The following PCDHGA3 variants were observed in gnomAD, a reference collection of about 807,000 sequenced individuals.
PCDHGA3 encodes protocadherin gamma subfamily A, 3.
Under a neutral mutation model 58.5 loss-of-function variants are expected in PCDHGA3, and 40 were observed. The ratio of observed to expected loss-of-function variants is 0.68; its 90% CI spans 0.53 to 0.89. The LOEUF (loss-of-function observed/expected upper bound fraction) is 0.89. Ranked by LOEUF, PCDHGA3 falls within the 40% of genes least tolerant of loss-of-function variation. The pLI is 0.00. For missense variants in PCDHGA3, 1,223 were observed against 1,195.9 expected (o/e 1.02, Z -0.33); for synonymous variants, 530 against 525.7 (o/e 1.01, Z -0.11).
chr5:141,385,157 A>G (rs1338074749), intron 1 of PCDHGA3: 1 of 1,614,208 alleles, frequency 6.2e-7, no homozygotes, highest in East Asian at 2.2e-5. Flanking sequence ...CTGCAGACCT[A>G]TTCCCATGAG....
At chr5:141,466,709 T>C (rs2099127779) in intron 1 of PCDHGA3, among the ~76,000 whole-genome samples, 1 of 152,212 alleles carries the variant, frequency 6.6e-6, no homozygotes, top group Non-Finnish European at 1.5e-5. Flanking sequence ...TGATGTCTGT[T>C]CTTGTTTCCA....
chr5:141,412,902 T>G, intron 1 of PCDHGA3: 1 of 371,284 alleles, frequency 2.7e-6, no homozygotes, highest in East Asian at 4.2e-5. Flanking sequence ...TACTTTCCAT[T>G]GCATGTATCA....
intron 1 of PCDHGA3, chr5:141,433,196 C>A (rs750657930): frequency 4.4e-6 from 7 of 1,575,116 alleles, no homozygotes; most frequent in African/African-American, 1.4e-5. Context: ...GAGTTTATAT[C>A]AAATCTTCTT....
intron 1 of PCDHGA3, chr5:141,375,758 G>C (rs1473514742): frequency 1.2e-6 from 2 of 1,614,230 alleles, no homozygotes; most frequent in East Asian, 2.2e-5. Flanking sequence ...GAATGACAAT[G>C]CGCCCGAGAT....
At chr5:141,375,194 G>A (rs763161370) in intron 1 of PCDHGA3, 1 of 1,613,964 alleles carries the variant, frequency 6.2e-7, no homozygotes, top group South Asian at 1.1e-5. Flanking sequence ...CCTTTTTCAA[G>A]TGTTCGATCG....
Position 141,393,820 on chromosome 5 carries a change from CG to C in PCDHGA3, c.2424+47365del, listed in dbSNP as rs370400807. Reference sequence around the variant, plus strand: ...CTGGGGAGGACCAAATTGCTCATTTCGGTGGAAGATGTAAATGACAATAGAC... The same window carrying C: ...CTGGGGAGGACCAAATTGCTCATTTCGTGGAAGATGTAAATGACAATAGAC... On this transcript the variant is annotated intron_variant, in intron 1 of 3. Transcript: ENST00000253812. The C allele has an allele frequency of 9.3e-6, 15 of 1,613,800 alleles. No individual in the cohort carries two copies. In the African/African-American group the frequency reaches 9.3e-5, roughly 10 times the overall value.
At chr5:141,365,492 A>G in intron 1 of PCDHGA3, 1 of 1,613,970 alleles carries the variant, frequency 6.2e-7, no homozygotes, top group Non-Finnish European at 8.5e-7. Flanking sequence ...CTCTATTCCT[A>G]GGAATTTGCC....
intron 1 of PCDHGA3, among the ~76,000 whole-genome samples, chr5:141,457,440 A>C (rs188608086): frequency 1.3e-5 from 2 of 152,334 alleles, no homozygotes; most frequent in African/African-American, 4.8e-5. Flanking sequence ...ACCAAGCTGC[A>C]GAAGATCACC....
At chr5:141,364,574 G>C (rs184408500) in intron 1 of PCDHGA3, 12 of 1,614,166 alleles carry the variant, frequency 7.4e-6, no homozygotes, top group Non-Finnish European at 1.0e-5. Context: ...CCCGCGAAGC[G>C]GCAGCTTGGT....
At chr5:141,356,677 G>T (rs759254327) in intron 1 of PCDHGA3, 2 of 1,613,980 alleles carry the variant, frequency 1.2e-6, no homozygotes, top group Non-Finnish European at 1.7e-6. Context: ...CTCCCTGGCC[G>T]AAGACACCTT....
At chr5:141,362,777 T>C in intron 1 of PCDHGA3, 1 of 604,080 alleles carries the variant, frequency 1.7e-6, no homozygotes, top group Non-Finnish European at 2.8e-6. Flanking sequence ...TATTGCACTG[T>C]ATTTCTTTTT....
rs72790032 is a variant in PCDHGA3 at position 141,393,544 on chromosome 5, A to G, written c.2424+47087A>G. On this transcript the variant is annotated intron_variant, in intron 1 of 3. Coordinates refer to ENST00000253812, the MANE Select transcript of PCDHGA3 (RefSeq NM_018916.4). ...AATGACAATGCCCCGGTTTTTCCTC[A>G]CCCGATTTACCGAGTGAAAGTCCTT... 18,579 of 1,613,800 alleles carry G rather than the reference A, an allele frequency of 0.012. 149 individuals carry two copies. The highest frequency in any genetic ancestry group is 0.014 in the Non-Finnish European group (16,983 of 1,179,880).
At chr5:141,351,039 G>C in intron 1 of PCDHGA3, 1 of 1,614,076 alleles carries the variant, frequency 6.2e-7, no homozygotes, top group Non-Finnish European at 8.5e-7. Context: ...TCCGTGCTGC[G>C]GGTGATGGCC....
At chr5:141,398,199 G>A in intron 1 of PCDHGA3, 1 of 1,491,242 alleles carries the variant, frequency 6.7e-7, no homozygotes, top group South Asian at 1.3e-5. Flanking sequence ...TGCTGTCTTT[G>A]TTCTGCCCGG....
chr5:141,421,895 G>A, intron 1 of PCDHGA3: 1 of 1,613,730 alleles, frequency 6.2e-7, no homozygotes, highest in African/African-American at 1.3e-5. Flanking sequence ...GATCCCATCC[G>A]AAAGGGCGCA....
At chr5:141,482,956 CCAGCTACTTGAG>C (rs6149271) in intron 1 of PCDHGA3, among the ~76,000 whole-genome samples, 62,216 of 151,640 alleles carry the variant, frequency 0.41, 15,336 homozygotes, top group African/African-American at 0.7. Context: ...GCCTGTAATT[CCAGCTACTTGAG>C]CAGCTACTTG....
At chr5:141,443,844 G>T (rs976057583) in intron 1 of PCDHGA3, among the ~76,000 whole-genome samples, 1 of 152,130 alleles carries the variant, frequency 6.6e-6, no homozygotes, top group African/African-American at 2.4e-5. Flanking sequence ...GGGTAATATG[G>T]AAAGTCTGAA....
At chr5:141,366,305 A>C in intron 1 of PCDHGA3, 2 of 1,613,708 alleles carry the variant, frequency 1.2e-6, no homozygotes, top group South Asian at 1.1e-5. Flanking sequence ...AGCCACCTTC[A>C]CGGTCACCGT....
At chr5:141,357,661 T>G (rs767998878) in intron 1 of PCDHGA3, 2 of 1,605,092 alleles carry the variant, frequency 1.2e-6, no homozygotes, top group South Asian at 2.2e-5. Context: ...CACTGAAATA[T>G]AGACAAAGAG....
Sources: gnomAD v4.1 joint callset for allele counts (sites outside exome capture counted in the v4.1 genomes callset) on GRCh38, gnomAD v4.1.1 for gene constraint, MANE v1.5 for transcripts, NCBI Gene and HGNC (gene_info 2026-07-23, HGNC 2026-07-21) for gene names.